The following IL2RB variants were observed in gnomAD, a reference collection of about 807,000 sequenced individuals.
IL2RB encodes interleukin-2 receptor subunit beta.
A neutral mutation model predicts 44.2 loss-of-function variants in IL2RB; 17 were observed. The ratio of observed to expected loss-of-function variants is 0.38; its 90% confidence interval spans 0.26 to 0.58. IL2RB has a LOEUF of 0.58. Among genes scored for constraint, IL2RB ranks in the 20% least tolerant of loss-of-function variants. The probability of loss-of-function intolerance (pLI) is 0.63; values close to 1 mark genes in which losing one functional copy is unlikely to be tolerated. For synonymous variants in IL2RB, 286 were observed against 297.9 expected (o/e 0.96, Z 0.41); for missense variants, 624 against 685.5 (o/e 0.91, Z 1.00).
intron 1 of IL2RB, among the ~76,000 whole-genome samples, chr22:37,156,469 C>T (rs1922683903): frequency 6.6e-6 from 1 of 152,206 alleles, no homozygotes; most frequent in Non-Finnish European, 1.5e-5. Context: ...ATGTCAGGAT[C>T]CTGAGCTAAA....
chr22:37,156,733 G>C (rs561079812), intron 1 of IL2RB, among the ~76,000 whole-genome samples: 1 of 152,340 alleles, frequency 6.6e-6, no homozygotes, highest in East Asian at 1.9e-4. Flanking sequence ...GATGTAGCCA[G>C]CTATAAGTAG....
At chr22:37,165,572 G>A (rs1195786572) in intron 1 of IL2RB, among the ~76,000 whole-genome samples, 1 of 152,208 alleles carries the variant, frequency 6.6e-6, no homozygotes, top group Non-Finnish European at 1.5e-5. Flanking sequence ...AAATAGGCAT[G>A]GGAACGAATG....
intron 1 of IL2RB, among the ~76,000 whole-genome samples, chr22:37,164,737 C>T (rs570073812): frequency 6.6e-6 from 1 of 152,210 alleles, no homozygotes; most frequent in East Asian, 1.9e-4. Flanking sequence ...CACCGAGGCT[C>T]CAGAGAGCAG....
Position 37,145,347 on chromosome 22 carries a change from CCAG to C in IL2RB, c.-33-1145_-33-1143del, listed in dbSNP as rs1246577046. 2.6e-5 allele frequency among the ~76,000 whole-genome samples: 4 copies of C among 152,118 alleles called. No individual in the cohort carries two copies. The East Asian group carries it at 7.7e-4, about 29-fold the overall frequency. ...AGGAAAGAGACATGAAATCTCTAAG[CCAG>C]CCCTGTCAGAGGGAGGCTCAAAAGT... On this transcript the variant is annotated intron_variant, in intron 1 of 9. Transcript: ENST00000216223.
At chr22:37,166,024 T>C (rs1010116812) in intron 1 of IL2RB, among the ~76,000 whole-genome samples, 25 of 152,322 alleles carry the variant, frequency 1.6e-4, no homozygotes, top group African/African-American at 5.3e-4. Flanking sequence ...CCAGAACTCC[T>C]GTGAACAGGT....
In IL2RB at chr22:37,137,611, C is replaced by T. The variant is rs138490007; in HGVS notation, c.513G>A (p.Thr171=). Residue 171 remains threonine, a synonymous_variant, in exon 6 of 10, where the codon ACG becomes ACA. Transcript: ENST00000216223. ...FERHLEFEAR[T]LSPGHTWEEA... is the part of the protein sequence containing the mutation. The stretch of plus-strand genomic sequence containing the variant: ...CCTCCCAGGTGTGGCCTGGGGACAG[C>T]GTCCGGGCCTCGAACTCCAGGTGTC... 28 of 1,614,048 alleles carry T rather than the reference C, an allele frequency of 1.7e-5. No individual in the cohort carries two copies. Among genetic ancestry groups the T allele is most frequent in the African/African-American group, 1.1e-4 (8 of 74,914 alleles).
chr22:37,137,719 G>T lies in IL2RB; in HGVS notation c.405C>A (p.Pro135=). 2 of 1,613,948 alleles carry T rather than the reference G, an allele frequency of 1.2e-6. No homozygotes were observed. The highest frequency in any genetic ancestry group is 1.1e-5 in the South Asian group (1 of 91,078). Residue 135 remains proline (P), a synonymous_variant, in exon 6 of 10, where the codon CCC becomes CCA. Transcript: ENST00000216223. The part of the protein sequence containing the change: ...KPFENLRLMA[P]ISLQVVHVET... ...CCACGTGGACAACTTGGAGGGAGATGGGGGCCATCAGGCGAACTGGAGACA... is the reference window on the plus strand; with the variant it reads ...CCACGTGGACAACTTGGAGGGAGATTGGGGCCATCAGGCGAACTGGAGACA...
chr22:37,134,201 TATTTACATAGC>T (rs1182103934), intron 8 of IL2RB, among the ~76,000 whole-genome samples: 1 of 152,174 alleles, frequency 6.6e-6, no homozygotes, highest in Non-Finnish European at 1.5e-5. Context: ...GCATAACAAC[TATTTACATAGC>T]ATTTACATGG....
intron 1 of IL2RB, among the ~76,000 whole-genome samples, chr22:37,171,789 T>G (rs1923295404): frequency 6.6e-6 from 1 of 152,202 alleles, no homozygotes; most frequent in Non-Finnish European, 1.5e-5. Context: ...TAGATGCAGT[T>G]GTACAGAATA....
intron 1 of IL2RB, among the ~76,000 whole-genome samples, chr22:37,149,597 G>A (rs1196777331): frequency 6.6e-6 from 1 of 152,174 alleles, no homozygotes; most frequent in African/African-American, 2.4e-5. Flanking sequence ...GAATGGGTTG[G>A]GAAGGAGAGC....
Position 37,126,161 on chromosome 22 carries a change from T to C in IL2RB, c.*1935A>G, listed in dbSNP as rs1921100352. On this transcript the variant is annotated 3_prime_UTR_variant, in exon 10 of 10. Transcript: ENST00000216223. ...AAGGAGACCGACTTGCAGAGAGGAT[T>C]AGTAGGTTGCCCCAGAACACACAGC... 1 of 152,142 alleles carries C rather than the reference T, an allele frequency of 6.6e-6. No individual in the cohort carries two copies. Among genetic ancestry groups the C allele is most frequent in the African/African-American group, 2.4e-5 (1 of 41,398 alleles). The allele number at this position is 152,142 out of a possible 1,614,324, so 9.4% of individuals were successfully genotyped here.
intron 1 of IL2RB, among the ~76,000 whole-genome samples, chr22:37,164,991 C>T (rs1923019503): frequency 6.6e-6 from 1 of 152,098 alleles, no homozygotes; most frequent in Non-Finnish European, 1.5e-5. Flanking sequence ...GAGCCAGAAT[C>T]TGTATTTTCA....
chr22:37,164,475 G>A (rs1922997663), intron 1 of IL2RB, among the ~76,000 whole-genome samples: 1 of 151,166 alleles, frequency 6.6e-6, no homozygotes, highest in Admixed American at 6.6e-5. Flanking sequence ...GAGGGGTGAG[G>A]GGCCGGGTGG....
intron 1 of IL2RB, among the ~76,000 whole-genome samples, chr22:37,172,183 C>G (rs984666144): frequency 4.8e-5 from 6 of 125,698 alleles, no homozygotes; most frequent in Non-Finnish European, 8.0e-5. Flanking sequence ...TGGTTGTGAG[C>G]AAGAAAACTC....
At chr22:37,143,421 C>T (rs1601602930) in intron 3 of IL2RB, 100 bp downstream of exon 3, 1 of 781,042 alleles carries the variant, frequency 1.3e-6, no homozygotes, top group East Asian at 2.6e-5. Context: ...CCCATTAGTC[C>T]AAGATTCTGT....
At chr22:37,161,906 A>T (rs751027529) in intron 1 of IL2RB, 3 of 152,254 alleles carry the variant, frequency 2.0e-5, no homozygotes, top group Non-Finnish European at 2.9e-5. Flanking sequence ...GTGGTGTCGG[A>T]ACATCGTGTC....
At chr22:37,167,312 C>T (rs985524148) in intron 1 of IL2RB, among the ~76,000 whole-genome samples, 5 of 152,166 alleles carry the variant, frequency 3.3e-5, no homozygotes, top group African/African-American at 1.2e-4. Flanking sequence ...GTCCTCTACC[C>T]CCAGCCCCAG....
At chr22:37,153,545 TC>T (rs1439672619), upstream of IL2RB, among the ~76,000 whole-genome samples, 1 of 152,186 alleles carries the variant, frequency 6.6e-6, no homozygotes, top group Non-Finnish European at 1.5e-5. Context: ...GCCAGTTCCT[TC>T]CACACTGCCC....
intron 1 of IL2RB, among the ~76,000 whole-genome samples, chr22:37,171,620 A>G (rs1336451718): frequency 6.6e-6 from 1 of 152,224 alleles, no homozygotes; most frequent in Non-Finnish European, 1.5e-5. Context: ...TGGAGGAAGG[A>G]TGAAAACTAT....
Sources: gnomAD v4.1 joint callset for allele counts (sites outside exome capture counted in the v4.1 genomes callset) on GRCh38, gnomAD v4.1.1 for gene constraint, MANE v1.5 for transcripts, NCBI Gene and HGNC (gene_info 2026-07-23, HGNC 2026-07-21) for gene names.